CCDC88C: variants seen among roughly 807,000 people sequenced by gnomAD.
CCDC88C encodes the protein coiled-coil and HOOK domain protein 88C.
In CCDC88C, 131 loss-of-function variants were observed where a neutral mutation model predicts 198.8. The observed-to-expected ratio is 0.66, with a 90% CI of 0.57 to 0.76. CCDC88C has a LOEUF of 0.76. Ranked by LOEUF, CCDC88C falls within the 30% of genes least tolerant of loss-of-function variation. The probability of loss-of-function intolerance (pLI) is 0.00; values close to 1 mark genes in which losing one functional copy is unlikely to be tolerated. For missense variants in CCDC88C, 2,553 were observed against 2,631.6 expected, an observed-to-expected ratio of 0.97 and a Z score of 0.65; for synonymous variants, 1,166 against 1,114.7, an observed-to-expected ratio of 1.05 and a Z score of -0.92.
intron 4 of CCDC88C, among the ~76,000 whole-genome samples, chr14:91,345,190 A>ATATATATATT (rs1246878587): frequency 1.3e-4 from 7 of 52,204 alleles, no homozygotes; most frequent in African/African-American, 4.7e-4. Flanking sequence ...ATATATATAT[A>ATATATATATT]TTTTTTTTTT....
chr14:91,301,133 G>A (rs12891547), intron 20 of CCDC88C, among the ~76,000 whole-genome samples: 1,957 of 152,006 alleles, frequency 0.013, 13 homozygotes, highest in Non-Finnish European at 0.022. Flanking sequence ...CTGAATCCCC[G>A]TGTGAGGAAT....
chr14:91,315,787 T>A lies in CCDC88C; in HGVS notation c.1528A>T (p.Ile510Phe). The change falls in exon 14 of 30, where the codon ATT becomes TTT. Residue 510 changes from isoleucine to phenylalanine, a missense_variant and splice_region_variant. Physicochemically the swap from Ile to Phe is conservative, Grantham distance 21. Coordinates refer to ENST00000389857, the MANE Select transcript of CCDC88C (RefSeq NM_001080414.4). ...EKENHQLSKK[I>F]EKLQTQLERE... ...TCCAGCTGGGTTTGTAACTTTTCAA[T>A]CTGCAGAACCAAAAGACCCAGCCCA... The A allele has an allele frequency of 3.7e-6, 6 of 1,611,640 alleles. No individual in the cohort carries two copies. The South Asian group carries it at 6.6e-5, about 18-fold the overall frequency.
intron 19 of CCDC88C, among the ~76,000 whole-genome samples, chr14:91,304,515 G>C (rs953317712): frequency 6.6e-6 from 1 of 152,234 alleles, no homozygotes; most frequent in African/African-American, 2.4e-5. Flanking sequence ...CTTGAGCCCA[G>C]GAGTTGGAGG....
intron 3 of CCDC88C, among the ~76,000 whole-genome samples, chr14:91,367,680 G>A (rs1379977602): frequency 6.6e-6 from 1 of 152,190 alleles, no homozygotes; most frequent in Non-Finnish European, 1.5e-5. Context: ...AGAGGAGACA[G>A]CTTCTGAGCT....
At chr14:91,296,652 G>C (rs1891016220) in intron 22 of CCDC88C, among the ~76,000 whole-genome samples, 1 of 152,220 alleles carries the variant, frequency 6.6e-6, no homozygotes, top group East Asian at 1.9e-4. Context: ...GTCTCACAGG[G>C]CTACTGAGGG....
chr14:91,348,322 TAAA>T lies in CCDC88C; in HGVS notation c.341-4668_341-4666del, dbSNP rs11449969. ...CGCCCAGCCAAGACCCTATCTCTAT[TAAA>T]AAAAAAAAAAAAAAAAAATTAGCCT... On this transcript the variant is annotated intron_variant, in intron 4 of 29. Coordinates refer to ENST00000389857, the MANE Select transcript of CCDC88C (RefSeq NM_001080414.4). Among the ~76,000 whole-genome samples, 406 of 117,876 alleles carry T rather than the reference TAAA, an allele frequency of 3.4e-3. 5 individuals carry two copies. Among genetic ancestry groups the T allele is most frequent in the African/African-American group, 0.013 (383 of 30,092 alleles). 77.3% of individuals were successfully genotyped at this position (117,876 alleles called of 152,430 possible). A position where few individuals can be genotyped will look rare whatever the true frequency, so the allele number is the denominator to read the frequency against.
At position 91,289,125 on chromosome 14, in the gene CCDC88C, T is replaced by A. The variant is rs1175639816; in HGVS notation, c.4421A>T (p.His1474Leu). Reference sequence around the variant, plus strand: ...CCTACCTTTCCCCACAGACCCGTTGTGGGCGTCGCGCTCTTCTGCACAGTT... The same window carrying A: ...CCTACCTTTCCCCACAGACCCGTTGAGGGCGTCGCGCTCTTCTGCACAGTT... Reference protein sequence around the residue: ...GSNCAEERDAHNGSVGKGPGD... With the variant: ...GSNCAEERDALNGSVGKGPGD... The change falls in exon 25 of 30, where the codon CAC becomes CTC. Residue 1474 changes from histidine (H) to leucine (L), a missense_variant. By Grantham distance (99) the His-to-Leu change is moderately conservative. Around this residue, in one of 2 missense-constraint regions of CCDC88C, gnomAD observed 1,293 missense variants for 1,219.6 expected, o/e 1.06. Transcript: ENST00000389857. 6.2e-7 allele frequency: 1 copy of A among 1,612,774 alleles called. No homozygotes were observed. Among genetic ancestry groups the A allele is most frequent in the Admixed American group, 1.7e-5 (1 of 59,984 alleles).
At chr14:91,360,990 A>G (rs914953559) in intron 3 of CCDC88C, among the ~76,000 whole-genome samples, 7 of 152,110 alleles carry the variant, frequency 4.6e-5, no homozygotes, top group Non-Finnish European at 8.8e-5. Context: ...TACAAAAATT[A>G]AGAATCAGCT....
At chr14:91,391,092 T>C (rs1885479743) in intron 3 of CCDC88C, among the ~76,000 whole-genome samples, 1 of 152,200 alleles carries the variant, frequency 6.6e-6, no homozygotes, top group African/African-American at 2.4e-5. Context: ...CTTAACACAA[T>C]GGCAGCCACA....
intron 3 of CCDC88C, among the ~76,000 whole-genome samples, chr14:91,364,903 A>C (rs1894461771): frequency 6.6e-6 from 1 of 152,200 alleles, no homozygotes; most frequent in Non-Finnish European, 1.5e-5. Flanking sequence ...CTTGTTGAGA[A>C]ATCGGGACCA....
At chr14:91,413,220 T>G (rs1191639352) in intron 2 of CCDC88C, among the ~76,000 whole-genome samples, 1 of 152,232 alleles carries the variant, frequency 6.6e-6, no homozygotes. Context: ...CACGTACGTA[T>G]GTCCACACAC....
chr14:91,311,467 A>ACT (rs1211219918), intron 15 of CCDC88C, among the ~76,000 whole-genome samples: 1 of 151,574 alleles, frequency 6.6e-6, no homozygotes, highest in Non-Finnish European at 1.5e-5. Flanking sequence ...GATCTTCCTC[A>ACT]CTCTCTCTCT....
At chr14:91,387,740 CA>C (rs1312312593) in intron 3 of CCDC88C, among the ~76,000 whole-genome samples, 1 of 152,106 alleles carries the variant, frequency 6.6e-6, no homozygotes, top group Non-Finnish European at 1.5e-5. Context: ...GACAGGGAAA[CA>C]AGGAAAGGAG....
chr14:91,331,947 C>G (rs1250972951), intron 10 of CCDC88C, among the ~76,000 whole-genome samples: 2 of 152,046 alleles, frequency 1.3e-5, no homozygotes, highest in Non-Finnish European at 2.9e-5. Context: ...CCAGCTAGGT[C>G]TCTGCCCCTG....
In CCDC88C at chr14:91,279,191, C is replaced by T. The variant is rs367891084; in HGVS notation, c.4768+47G>A. The stretch of plus-strand genomic sequence containing the variant: ...CTGATTATAGGCATGAGCCACTGTG[C>T]CTGGCCCAAATCAATTTTTAAAAGT... On this transcript the variant is annotated intron_variant, in intron 28 of 29. Transcript: ENST00000389857. 8.0e-6 allele frequency: 12 copies of T among 1,505,874 alleles called. No homozygotes were observed. The African/African-American group carries it at 1.2e-4, about 16-fold the overall frequency. The allele number at this position is 1,505,874 out of a possible 1,614,324, so 93.3% of individuals were successfully genotyped here.
intron 3 of CCDC88C, among the ~76,000 whole-genome samples, chr14:91,364,615 G>T (rs1362167706): frequency 1.3e-5 from 2 of 152,130 alleles, no homozygotes; most frequent in Non-Finnish European, 2.9e-5. Context: ...TCACCCCAAG[G>T]GGGAGGGTTG....
At chr14:91,365,123 C>T (rs1168857658) in intron 3 of CCDC88C, among the ~76,000 whole-genome samples, 1 of 152,146 alleles carries the variant, frequency 6.6e-6, no homozygotes, top group Non-Finnish European at 1.5e-5. Context: ...CCACAGGCAC[C>T]CTACGGTCCC....
rs945542361 is a variant in CCDC88C, at chr14:91,305,629, A to G, written c.3357+136T>C. The stretch of plus-strand genomic sequence containing the variant: ...TGATCACTGTTTACAGCGGGTCTCT[A>G]TTAACAAAATCCCAAACTGCTTTGT... On this transcript the variant is annotated intron_variant, in intron 19 of 29. Transcript: ENST00000389857. 2.6e-5 allele frequency: 20 copies of G among 775,768 alleles called. No individual in the cohort carries two copies. The African/African-American group carries it at 3.1e-4, about 12-fold the overall frequency. The allele number at this position is 775,768 out of a possible 1,614,324, so 48.1% of individuals were successfully genotyped here.
At chr14:91,353,746 G>A (rs1893916367) in intron 4 of CCDC88C, among the ~76,000 whole-genome samples, 1 of 152,206 alleles carries the variant, frequency 6.6e-6, no homozygotes, top group Admixed American at 6.5e-5. Context: ...CGCACCCTCT[G>A]TAACCATCAT....
Sources: allele counts gnomAD v4.1 joint callset (sites outside exome capture counted in the v4.1 genomes callset), GRCh38; gene constraint gnomAD v4.1.1; regional missense constraint gnomAD v4.1.1; transcripts MANE v1.5; gene names NCBI Gene and HGNC (gene_info 2026-07-23, HGNC 2026-07-21).